GSG1L2: variants seen among roughly 807,000 people sequenced by gnomAD.
The protein encoded by GSG1L2 is GSG1 like 2.
GSG1L2 carries 15 observed loss-of-function variants against 9.0 expected under a neutral mutation model. That is an observed-to-expected ratio of 1.67 (90% CI 1.12 to 2.57). The LOEUF is 2.57. Ranked by LOEUF, GSG1L2 falls within the 30% of genes most tolerant of loss-of-function variation. The pLI is 0.00. For missense variants in GSG1L2, 286 were observed against 150.3 expected (o/e 1.90, Z -4.72); for synonymous variants, 127 against 57.9 (o/e 2.19, Z -5.41).
chr17:9,806,954 A>C (rs1214609771), intron 4 of GSG1L2, among the ~76,000 whole-genome samples: 1 of 152,240 alleles, frequency 6.6e-6, no homozygotes, highest in Non-Finnish European at 1.5e-5. Flanking sequence ...CAAAGAGGAA[A>C]GTAACATAAG....
intron 4 of GSG1L2, 78 bp from the exon 5 acceptor site, chr17:9,802,722 C>A: frequency 1.5e-6 from 1 of 656,830 alleles, no homozygotes; most frequent in South Asian, 1.6e-5. Flanking sequence ...GACTGGGGGT[C>A]AATCTGGAGA....
At chr17:9,819,530 T>A in intron 1 of GSG1L2, among the ~76,000 whole-genome samples, 1 of 152,246 alleles carries the variant, frequency 6.6e-6, no homozygotes, top group Non-Finnish European at 1.5e-5. Context: ...GACTAAGTTA[T>A]GGAGAAGAAA....
intron 1 of GSG1L2, among the ~76,000 whole-genome samples, chr17:9,813,368 G>A (rs990991987): frequency 4.6e-5 from 7 of 152,118 alleles, no homozygotes; most frequent in Non-Finnish European, 7.4e-5. Context: ...CCAGGGATTC[G>A]TGCGTCACAT....
chr17:9,816,900 GTGTGTGTATC>G lies in GSG1L2; in HGVS notation c.310+4852_310+4861del, dbSNP rs1423096375. 5.0e-3 allele frequency among the ~76,000 whole-genome samples: 558 copies of G among 110,542 alleles called. 1 individual carries two copies. The highest frequency in any genetic ancestry group is 7.8e-3 in the Non-Finnish European group (452 of 57,600). 72.5% of individuals were successfully genotyped at this position (110,542 alleles called of 152,430 possible). On this transcript the variant is annotated intron_variant, in intron 1 of 4. Transcript: ENST00000399363. ...TGTGTATCTGTGTGTGTGTATCTGTGTGTGTGTATCTGTGTGTGTGTGTGTGTGTGTGTGT... is the reference window on the plus strand; with the variant it reads ...TGTGTATCTGTGTGTGTGTATCTGTGTGTGTGTGTGTGTGTGTGTGTGTGT...
At position 9,815,080 on chromosome 17, in the gene GSG1L2, G is replaced by A. The variant is rs965793291; in HGVS notation, c.311-4462C>T. On this transcript the variant is annotated intron_variant, in intron 1 of 4. Coordinates refer to ENST00000399363, the MANE Select transcript of GSG1L2 (RefSeq NM_001310219.2). ...AGTTCTTGGAGGTGGCTTGGGCAGA[G>A]GATGTCTTAAAATAGCACTTCAGGT... is the stretch of plus-strand genomic sequence containing the variant. Among the ~76,000 whole-genome samples, 30 of 152,152 alleles carry A rather than the reference G, an allele frequency of 2.0e-4. 1 individual carries two copies. The highest frequency in any genetic ancestry group is 5.9e-5 in the Non-Finnish European group (4 of 68,020).
chr17:9,808,822 G>C lies in GSG1L2; in HGVS notation c.511+8C>G. 1.4e-6 allele frequency: 1 copy of C among 702,726 alleles called. No homozygotes were observed. Among genetic ancestry groups the C allele is most frequent in the South Asian group, 1.5e-5 (1 of 67,588 alleles). 43.5% of individuals were successfully genotyped at this position (702,726 alleles called of 1,614,324 possible). On this transcript the variant is annotated splice_region_variant and intron_variant, in intron 3 of 4. Transcript: ENST00000399363. ...GCAGCCTGTTCCAAGGATGCTGTTGGAAAGTACCTGCCAGCACCATGAAGA... is the reference window on the plus strand; with the variant it reads ...GCAGCCTGTTCCAAGGATGCTGTTGCAAAGTACCTGCCAGCACCATGAAGA...
chr17:9,802,861 A>T (rs1461980091), intron 4 of GSG1L2, among the ~76,000 whole-genome samples: 1 of 152,142 alleles, frequency 6.6e-6, no homozygotes. Flanking sequence ...CTGGCTTTGC[A>T]TCGTGGCCCC....
At chr17:9,816,142 G>A (rs867648292) in intron 1 of GSG1L2, among the ~76,000 whole-genome samples, 4 of 152,124 alleles carry the variant, frequency 2.6e-5, no homozygotes, top group Non-Finnish European at 5.9e-5. Flanking sequence ...TAAGTAATAC[G>A]GTTCTTTTCT....
rs533771848 is a variant in GSG1L2 at position 9,819,601 on chromosome 17, T to C, written c.310+2161A>G. ...TCAAAATGAGTTCATCTCTTGTCTA[T>C]GAGTAAATATCACCTTGGTTAAAAC... On this transcript the variant is annotated intron_variant, in intron 1 of 4. Coordinates refer to ENST00000399363, the MANE Select transcript of GSG1L2 (RefSeq NM_001310219.2). Among the ~76,000 whole-genome samples, 208 of 152,294 alleles carry C rather than the reference T, an allele frequency of 1.4e-3. 1 individual carries two copies. Among genetic ancestry groups the C allele is most frequent in the African/African-American group, 4.7e-3 (196 of 41,570 alleles).
intron 1 of GSG1L2, among the ~76,000 whole-genome samples, chr17:9,812,004 C>CTT (rs1037652600): frequency 3.3e-5 from 5 of 149,398 alleles, no homozygotes; most frequent in African/African-American, 1.2e-4. Context: ...TCACTTATCA[C>CTT]TTATCCAATA....
intron 3 of GSG1L2, 137 bp downstream of exon 3, chr17:9,808,693 T>C: frequency 1.7e-6 from 1 of 587,330 alleles, no homozygotes; most frequent in Non-Finnish European, 3.0e-6. Flanking sequence ...TGGTGACTTA[T>C]CCAGGGGACC....
At chr17:9,821,443 G>T (rs1277107426) in intron 1 of GSG1L2, among the ~76,000 whole-genome samples, 1 of 152,218 alleles carries the variant, frequency 6.6e-6, no homozygotes, top group African/African-American at 2.4e-5. Flanking sequence ...CTTGCAATGT[G>T]TCAGGCCCTG....
rs1194328850 is a variant in GSG1L2 at position 9,820,628 on chromosome 17, G to A, written c.310+1134C>T. 6.6e-6 allele frequency among the ~76,000 whole-genome samples: 1 copy of A among 151,864 alleles called. No homozygotes were observed. Among genetic ancestry groups the A allele is most frequent in the African/African-American group, 2.4e-5 (1 of 41,404 alleles). The stretch of plus-strand genomic sequence containing the variant: ...TTGGCCACCACTGGGAGAGAGGGTG[G>A]AAGGGAGGGACATACAGCACCTCTG... On this transcript the variant is annotated intron_variant, in intron 1 of 4. Transcript: ENST00000399363. The surrounding 1 kb of genome is among the most constrained non-coding windows in gnomAD (Gnocchi z 4.9).
intron 1 of GSG1L2, among the ~76,000 whole-genome samples, chr17:9,814,763 G>A (rs17810148): frequency 0.34 from 50,997 of 151,898 alleles, 8,871 homozygotes; most frequent in East Asian, 0.53. Flanking sequence ...AGGAAGTGGC[G>A]TCCGATCCCT....
In GSG1L2 at chr17:9,816,644, T is replaced by A. The variant is rs2066564622; in HGVS notation, c.310+5118A>T. Among the ~76,000 whole-genome samples the A allele has an allele frequency of 2.4e-5, 3 of 123,752 alleles. No homozygotes were observed. In the South Asian group the frequency reaches 1.1e-3, roughly 45 times the overall value. The allele number at this position is 123,752 out of a possible 152,430, so 81.2% of individuals were successfully genotyped here. A position where few individuals can be genotyped will look rare whatever the true frequency, so the allele number is the denominator to read the frequency against. On this transcript the variant is annotated intron_variant, in intron 1 of 4. Coordinates refer to ENST00000399363, the MANE Select transcript of GSG1L2 (RefSeq NM_001310219.2). ...TCTGTTTTGCATGTCTGTGTGCGTG[T>A]CTGTGTGTGTCTGTGTGTGCGTGTG...
At chr17:9,821,426 AT>A (rs1260669251) in intron 1 of GSG1L2, among the ~76,000 whole-genome samples, 1 of 152,172 alleles carries the variant, frequency 6.6e-6, no homozygotes, top group Non-Finnish European at 1.5e-5. Flanking sequence ...ACTAATTTTA[AT>A]AAACACTTGC....
intron 2 of GSG1L2, 129 bp downstream of exon 2, chr17:9,810,442 C>G: frequency 1.5e-6 from 1 of 646,522 alleles, no homozygotes; most frequent in Non-Finnish European, 2.8e-6. Context: ...GTGGTTCTAG[C>G]TTTTGGGCTG....
In GSG1L2 at chr17:9,807,545, T is replaced by C; in HGVS notation, c.568A>G (p.Asn190Asp). Residue 190 changes from asparagine to aspartate, a missense_variant, in exon 4 of 5, where the codon AAC becomes GAC. Coordinates refer to ENST00000399363, the MANE Select transcript of GSG1L2 (RefSeq NM_001310219.2). ...GGCTTCCAATCTTCTGGTCCAAGGT[T>C]CACAGTGATTTGAAAAATGGTTGTG... Reference protein sequence around the residue: ...MYTTIFQITVNLGPEDWKPQT... With the variant: ...MYTTIFQITVDLGPEDWKPQT... 1 of 703,178 alleles carries C rather than the reference T, an allele frequency of 1.4e-6. No individual in the cohort carries two copies. The highest frequency in any genetic ancestry group is 2.6e-6 in the Non-Finnish European group (1 of 385,026). 43.6% of individuals were successfully genotyped at this position (703,178 alleles called of 1,614,324 possible). A position where few individuals can be genotyped will look rare whatever the true frequency, so the allele number is the denominator to read the frequency against.
At chr17:9,810,742 G>T (rs2066535921) in intron 1 of GSG1L2, 124 bp from the exon 2 acceptor site, 1 of 661,102 alleles carries the variant, frequency 1.5e-6, no homozygotes, top group African/African-American at 1.8e-5. Flanking sequence ...TACTGCTCAG[G>T]GACATGAGCT....
Sources: allele counts gnomAD v4.1 joint callset (sites outside exome capture counted in the v4.1 genomes callset), GRCh38; gene constraint gnomAD v4.1.1; non-coding constraint Gnocchi (gnomAD v3.1); transcripts MANE v1.5; gene names NCBI Gene and HGNC (gene_info 2026-07-23, HGNC 2026-07-21).